The following WDPCP variants were observed in gnomAD, a reference collection of about 807,000 sequenced individuals.
The protein encoded by WDPCP is WD repeat containing planar cell polarity effector.
A neutral mutation model predicts 93.1 loss-of-function variants in WDPCP; 71 were observed. That is an observed-to-expected ratio of 0.76 (90% CI 0.63 to 0.93). The LOEUF (loss-of-function observed/expected upper bound fraction) is 0.93, where lower values mean the gene tolerates loss of function less well. WDPCP is among the 40% of genes least tolerant of loss of function. WDPCP has a pLI of 0.00. For synonymous variants in WDPCP, 315 were observed against 315.0 expected (o/e 1.00, Z 0.00); for missense variants, 844 against 887.4 (o/e 0.95, Z 0.62).
At chr2:63,317,239 T>TA (rs1467357528) in intron 12 of WDPCP, among the ~76,000 whole-genome samples, 1 of 151,486 alleles carries the variant, frequency 6.6e-6, no homozygotes, top group Non-Finnish European at 1.5e-5. Flanking sequence ...CAGCACTACT[T>TA]AAAAAAACAA....
chr2:63,340,791 G>A (rs1442263971), intron 12 of WDPCP, among the ~76,000 whole-genome samples: 5 of 152,072 alleles, frequency 3.3e-5, no homozygotes, highest in African/African-American at 9.7e-5. Context: ...AAATCTCACC[G>A]TTGTATATTT....
At chr2:63,536,959 G>T (rs1478605703) in intron 1 of WDPCP, among the ~76,000 whole-genome samples, 2 of 151,858 alleles carry the variant, frequency 1.3e-5, no homozygotes, top group African/African-American at 2.4e-5. Flanking sequence ...AGAGAGATGG[G>T]GTTTCGCCAT....
intron 1 of WDPCP, among the ~76,000 whole-genome samples, chr2:63,529,658 AT>A (rs1558761634): frequency 6.6e-6 from 1 of 152,114 alleles, no homozygotes; most frequent in South Asian, 2.1e-4. Context: ...TTCATCAGGG[AT>A]ACTGGTCTAA....
rs997298419 is a variant in WDPCP at position 63,281,508 on chromosome 2, A to G, written c.1813-22099T>C. 5.3e-5 allele frequency among the ~76,000 whole-genome samples: 8 copies of G among 152,326 alleles called. No homozygotes were observed. In the East Asian group the frequency reaches 5.8e-4, roughly 11 times the overall value. On this transcript the variant is annotated intron_variant, in intron 13 of 17. Transcript: ENST00000272321. ...TGCTCAGAGGAAAAGAAGTCATTAT[A>G]CAAAAAAGATACTTGCACCTGCATG... is the stretch of plus-strand genomic sequence containing the variant.
chr2:63,492,583 C>T (rs1385825829), intron 2 of WDPCP, among the ~76,000 whole-genome samples: 2 of 151,962 alleles, frequency 1.3e-5, no homozygotes, highest in Admixed American at 1.3e-4. Flanking sequence ...TGGCTCACTG[C>T]AGCGTCAACC....
chr2:63,576,688 A>C (rs954305404), intron 1 of WDPCP, among the ~76,000 whole-genome samples: 2 of 152,164 alleles, frequency 1.3e-5, no homozygotes, highest in Non-Finnish European at 2.9e-5. Context: ...CCAACCCTCT[A>C]ATCACAGTTG....
intron 12 of WDPCP, among the ~76,000 whole-genome samples, chr2:63,373,664 TTG>T (rs1691601565): frequency 6.6e-6 from 1 of 151,994 alleles, no homozygotes; most frequent in Non-Finnish European, 1.5e-5. Flanking sequence ...TAGTATCTCA[TTG>T]TGTGTTTTCT....
intron 2 of WDPCP, among the ~76,000 whole-genome samples, chr2:63,703,097 A>C (rs952890846): frequency 5.3e-5 from 8 of 152,168 alleles, no homozygotes; most frequent in Non-Finnish European, 1.0e-4. Context: ...TATATGTGCC[A>C]CATTTTCTTA....
At chr2:63,739,258 ATAAG>A (rs762341403) in intron 2 of WDPCP, among the ~76,000 whole-genome samples, 8 of 152,054 alleles carry the variant, frequency 5.3e-5, no homozygotes, top group Non-Finnish European at 8.8e-5. Context: ...CCTCCCACTT[ATAAG>A]TAAGAACATG....
intron 12 of WDPCP, among the ~76,000 whole-genome samples, chr2:63,329,280 G>A (rs1687799827): frequency 6.6e-6 from 1 of 152,114 alleles, no homozygotes; most frequent in African/African-American, 2.4e-5. Context: ...AGTGGAATAA[G>A]TCATATTTGT....
At chr2:63,717,685 G>C in intron 2 of WDPCP, 1 of 487,734 alleles carries the variant, frequency 2.1e-6, no homozygotes. Flanking sequence ...TTAGAGCAGG[G>C]CAAGGCCAAG....
chr2:63,322,790 A>G (rs528797486), intron 12 of WDPCP, among the ~76,000 whole-genome samples: 16 of 152,186 alleles, frequency 1.1e-4, no homozygotes, highest in South Asian at 2.1e-4. Context: ...ACCATCGCCT[A>G]TCGCCAAGAA....
intron 1 of WDPCP, among the ~76,000 whole-genome samples, chr2:63,537,707 C>G (rs1704401958): frequency 6.6e-6 from 1 of 152,184 alleles, no homozygotes; most frequent in South Asian, 2.1e-4. Flanking sequence ...AAACTTTCTC[C>G]AGGGAGCTTT....
rs1409916303 is a variant in WDPCP at position 63,122,040 on chromosome 2, C to A, written c.2207G>T (p.Gly736Val). The A allele has an allele frequency of 3.7e-6, 6 of 1,612,380 alleles. No individual in the cohort carries two copies. The highest frequency in any genetic ancestry group is 5.1e-6 in the Non-Finnish European group (6 of 1,178,972). Residue 736 changes from glycine (G) to valine (V), a missense_variant, in exon 18 of 18, where the codon GGT becomes GTT. Transcript: ENST00000272321. Reference protein sequence around the residue: ...DGREQEIRDGGSLKMIHFGLV With the variant: ...DGREQEIRDGVSLKMIHFGLV The stretch of plus-strand genomic sequence containing the variant: ...ACCAAAGTGAATCATTTTGAGAGAA[C>A]CACCATCTCTGATTTCCTGCAAATA...
chr2:63,642,284 T>C (rs1021074600), intron 3 of WDPCP, among the ~76,000 whole-genome samples: 16 of 152,104 alleles, frequency 1.1e-4, no homozygotes, highest in African/African-American at 3.9e-4. Context: ...TTGGGATAGA[T>C]TTGATTAGTG....
At chr2:63,634,164 A>C (rs1006480780) in intron 3 of WDPCP, among the ~76,000 whole-genome samples, 2 of 152,238 alleles carry the variant, frequency 1.3e-5, no homozygotes, top group Non-Finnish European at 2.9e-5. Context: ...CAAGAGACTC[A>C]CTTCAACTTT....
chr2:63,726,316 G>A (rs1669496602), intron 2 of WDPCP, among the ~76,000 whole-genome samples: 1 of 152,034 alleles, frequency 6.6e-6, no homozygotes, highest in Admixed American at 6.6e-5. Flanking sequence ...TCCTTTTCCC[G>A]TTGCTTGTTT....
chr2:63,599,250 C>G, intron 3 of WDPCP: 1 of 1,613,720 alleles, frequency 6.2e-7, no homozygotes, highest in South Asian at 1.1e-5. Context: ...AGGAGAACTT[C>G]AGTTGCTTGA....
chr2:63,832,360 A>G (rs570773343), upstream of WDPCP, among the ~76,000 whole-genome samples: 13 of 152,298 alleles, frequency 8.5e-5, no homozygotes, highest in South Asian at 2.5e-3. Context: ...GAGTCACATA[A>G]CATTACTTCT....
Sources: allele counts gnomAD v4.1 joint callset (sites outside exome capture counted in the v4.1 genomes callset), GRCh38; gene constraint gnomAD v4.1.1; transcripts MANE v1.5; gene names NCBI Gene and HGNC (gene_info 2026-07-23, HGNC 2026-07-21).